ARID5B: variants seen among roughly 807,000 people sequenced by gnomAD.
The protein encoded by ARID5B is AT-rich interaction domain 5B, also known as AT-rich interactive domain-containing protein 5B.
A neutral mutation model predicts 97.2 loss-of-function variants in ARID5B; 13 were observed. The ratio of observed to expected loss-of-function variants is 0.13; its 90% CI spans 0.09 to 0.21. ARID5B has a LOEUF of 0.21. ARID5B is among the 10% of genes least tolerant of loss of function. The pLI, the probability that ARID5B is intolerant of heterozygous loss-of-function variation, is 1.00. For synonymous variants in ARID5B, 556 were observed against 570.3 expected (o/e 0.97, Z 0.36); for missense variants, 1,210 against 1,465.3 (o/e 0.83, Z 2.84).
At chr10:61,928,105 A>G (rs890220196) in intron 2 of ARID5B, among the ~76,000 whole-genome samples, 1 of 152,012 alleles carries the variant, frequency 6.6e-6, no homozygotes, top group Non-Finnish European at 1.5e-5. Context: ...TTTAAGGAAG[A>G]GTCATTGTGT....
chr10:62,047,505 C>T (rs1024185294), intron 4 of ARID5B, among the ~76,000 whole-genome samples: 2 of 152,106 alleles, frequency 1.3e-5, no homozygotes, highest in African/African-American at 2.4e-5. Flanking sequence ...CTGCTCTCTC[C>T]CTAGCAGAGC....
At chr10:62,040,934 C>T (rs1022053759) in intron 4 of ARID5B, among the ~76,000 whole-genome samples, 11 of 152,150 alleles carry the variant, frequency 7.2e-5, no homozygotes, top group African/African-American at 2.7e-4. Context: ...TGTAAAGAAG[C>T]TGTAACCTCT....
intron 7 of ARID5B, among the ~76,000 whole-genome samples, chr10:62,068,051 C>T (rs1447245283): frequency 6.6e-6 from 1 of 152,110 alleles, no homozygotes; most frequent in Non-Finnish European, 1.5e-5. Context: ...TTTGAGGAAT[C>T]GTGTAGGCAC....
intron 3 of ARID5B, among the ~76,000 whole-genome samples, chr10:61,988,670 C>T (rs933729654): frequency 6.6e-6 from 1 of 152,104 alleles, no homozygotes; most frequent in African/African-American, 2.4e-5. Flanking sequence ...CCAAAAGGAA[C>T]CTGTACACAG....
intron 4 of ARID5B, among the ~76,000 whole-genome samples, chr10:62,008,523 G>C (rs1839176145): frequency 6.6e-6 from 1 of 152,206 alleles, no homozygotes; most frequent in African/African-American, 2.4e-5. Context: ...GTTGGGAAGT[G>C]GTTAGGAAAG....
chr10:61,901,726 T>G lies in ARID5B; in HGVS notation c.17T>G (p.Leu6Arg). 6.2e-7 allele frequency: 1 copy of G among 1,613,762 alleles called. No homozygotes were observed. Among genetic ancestry groups the G allele is most frequent in the East Asian group, 2.2e-5 (1 of 44,848 alleles). ...AACGTCGAGATGGAGCCCAACTCAC[T>G]CCAGGTATTTCGCTCTCCTCCGCTC... Reference protein sequence around the residue: MEPNSLQWVGSPCGLH... With the variant: MEPNSRQWVGSPCGLH... The change falls in exon 1 of 10, where the codon CTC becomes CGC. Residue 6 changes from leucine to arginine, a missense_variant. This residue lies in a region of ARID5B where 80 missense variants were observed against 133.2 expected (regional missense o/e 0.60). Coordinates refer to ENST00000279873, the MANE Select transcript of ARID5B (RefSeq NM_032199.3).
chr10:61,981,189 T>A (rs1838772456), intron 3 of ARID5B, among the ~76,000 whole-genome samples: 1 of 152,204 alleles, frequency 6.6e-6, no homozygotes, highest in South Asian at 2.1e-4. Flanking sequence ...GGCTTAGAGC[T>A]TGCCTGTCTG....
At chr10:62,049,074 A>G (rs1839749937) in intron 4 of ARID5B, 1 of 813,466 alleles carries the variant, frequency 1.2e-6, no homozygotes, top group East Asian at 5.3e-5. Context: ...CAAATAGTCC[A>G]TGCCCTGGCT....
intron 2 of ARID5B, among the ~76,000 whole-genome samples, chr10:61,911,151 CTTTCTACA>C (rs1379718948): frequency 1.3e-5 from 2 of 152,118 alleles, no homozygotes; most frequent in Non-Finnish European, 2.9e-5. Context: ...ATGGGCTTTG[CTTTCTACA>C]CCCTCAAGCA....
chr10:62,016,516 A>G (rs1322017563), intron 4 of ARID5B, among the ~76,000 whole-genome samples: 1 of 152,258 alleles, frequency 6.6e-6, no homozygotes, highest in Non-Finnish European at 1.5e-5. Flanking sequence ...GAAATTTAAT[A>G]CTTTTCAAAG....
chr10:62,029,624 A>T (rs367649594), intron 4 of ARID5B, among the ~76,000 whole-genome samples: 6 of 152,220 alleles, frequency 3.9e-5, no homozygotes, highest in East Asian at 1.9e-4. Context: ...GTCTGTAGGA[A>T]CCACAGAGTG....
At chr10:61,953,718 T>G (rs1399427118) in intron 3 of ARID5B, among the ~76,000 whole-genome samples, 1 of 152,194 alleles carries the variant, frequency 6.6e-6, no homozygotes, top group African/African-American at 2.4e-5. Context: ...TATCTATAAA[T>G]CAGCGTTAAC....
chr10:61,993,712 A>G (rs1159645349), intron 3 of ARID5B, among the ~76,000 whole-genome samples: 1 of 152,234 alleles, frequency 6.6e-6, no homozygotes, highest in East Asian at 1.9e-4. Flanking sequence ...CAGAGCAGCA[A>G]TTAAATGGAA....
At chr10:61,996,374 T>C (rs910895982) in intron 3 of ARID5B, among the ~76,000 whole-genome samples, 3 of 152,120 alleles carry the variant, frequency 2.0e-5, no homozygotes, top group African/African-American at 7.2e-5. Context: ...CTATTATTAT[T>C]TGAGACATTT....
chr10:62,072,038 G>C (rs1433263549), intron 8 of ARID5B, among the ~76,000 whole-genome samples: 3 of 152,206 alleles, frequency 2.0e-5, no homozygotes, highest in Admixed American at 6.5e-5. Flanking sequence ...GGCAACAACT[G>C]TAAGTTCCCT....
At chr10:61,969,757 T>C (rs920306971) in intron 3 of ARID5B, among the ~76,000 whole-genome samples, 1 of 152,220 alleles carries the variant, frequency 6.6e-6, no homozygotes, top group African/African-American at 2.4e-5. Context: ...ACAATCAGAA[T>C]AAATTGGCAT....
chr10:61,942,996 T>C (rs941864491), intron 3 of ARID5B, among the ~76,000 whole-genome samples: 1 of 152,124 alleles, frequency 6.6e-6, no homozygotes, highest in Non-Finnish European at 1.5e-5. Context: ...AAATACCCCT[T>C]TAAGGATAGA....
Position 62,092,236 on chromosome 10 carries a change from G to A in ARID5B, c.2773G>A (p.Ala925Thr). ...HKPTGKVLGL[A>T]HSTTGPQESK... ...ACCTACCGGCAAGGTCCTGGGCCTG[G>A]CTCATTCCACCACAGGGCCCCAGGA... is the stretch of plus-strand genomic sequence containing the variant. Residue 925 changes from alanine (A) to threonine (T), a missense_variant, in exon 10 of 10, where the codon GCT (alanine) becomes ACT (threonine). Coordinates refer to ENST00000279873, the MANE Select transcript of ARID5B (RefSeq NM_032199.3). 6.2e-7 allele frequency: 1 copy of A among 1,609,846 alleles called. No individual in the cohort carries two copies. Among genetic ancestry groups the A allele is most frequent in the South Asian group, 1.1e-5 (1 of 90,250 alleles).
chr10:62,032,128 C>T (rs1839504525), intron 4 of ARID5B, among the ~76,000 whole-genome samples: 1 of 151,966 alleles, frequency 6.6e-6, no homozygotes, highest in African/African-American at 2.4e-5. Flanking sequence ...GCCAGGGCAA[C>T]AAAGTGTAAG....
Sources: allele counts gnomAD v4.1 joint callset (sites outside exome capture counted in the v4.1 genomes callset), GRCh38; gene constraint gnomAD v4.1.1; regional missense constraint gnomAD v4.1.1; transcripts MANE v1.5; gene names NCBI Gene and HGNC (gene_info 2026-07-23, HGNC 2026-07-21).